Variants in PCSK2 observed in about 807,000 individuals in gnomAD.
PCSK2 encodes the protein proprotein convertase subtilisin/kexin type 2.
PCSK2 carries 14 observed loss-of-function variants against 69.7 expected under a neutral mutation model. The observed-to-expected ratio is 0.20, with a 90% confidence interval of 0.13 to 0.31. The LOEUF is 0.31. PCSK2 is among the 10% of genes least tolerant of loss of function. PCSK2 has a pLI of 1.00. For synonymous variants in PCSK2, 307 were observed against 320.7 expected (o/e 0.96, Z 0.46); for missense variants, 544 against 842.5 (o/e 0.65, Z 4.39).
intron 8 of PCSK2, among the ~76,000 whole-genome samples, chr20:17,449,367 G>A (rs1171157202): frequency 2.6e-5 from 4 of 152,074 alleles, no homozygotes; most frequent in Non-Finnish European, 5.9e-5. Context: ...TCCCTTTTGG[G>A]TTTTAGGCTT....
At chr20:17,344,246 C>T (rs1263171745) in intron 2 of PCSK2, among the ~76,000 whole-genome samples, 4 of 152,310 alleles carry the variant, frequency 2.6e-5, no homozygotes, top group East Asian at 1.9e-4. Context: ...TTTTGTCATT[C>T]GTGGGCTGCT....
In PCSK2 at chr20:17,366,396, G is replaced by T. The variant is rs561410029; in HGVS notation, c.506-2844G>T. Among the ~76,000 whole-genome samples the T allele has an allele frequency of 4.6e-5, 7 of 152,250 alleles. No homozygotes were observed. In the South Asian group the frequency reaches 1.5e-3, roughly 32 times the overall value. ...ATTATGATTGGCTGGTGATCAGTCG[G>T]TACCCCCATAGGCTGTGAGCCATAG... On this transcript the variant is annotated intron_variant, in intron 4 of 11. Transcript: ENST00000262545.
In PCSK2 at chr20:17,360,512, C is replaced by T. The variant is rs906348035; in HGVS notation, c.397-20C>T. ...AACACCAAACTAATACCATTCTCTGCTTTGAAATTCCTGTACCAGATCAAT... is the reference window on the plus strand; with the variant it reads ...AACACCAAACTAATACCATTCTCTGTTTTGAAATTCCTGTACCAGATCAAT... On this transcript the variant is annotated intron_variant, in intron 3 of 11. Transcript: ENST00000262545. The T allele has an allele frequency of 1.3e-6, 2 of 1,491,704 alleles. No individual in the cohort carries two copies. The highest frequency in any genetic ancestry group is 1.9e-6 in the Non-Finnish European group (2 of 1,073,152). 92.4% of individuals were successfully genotyped at this position (1,491,704 alleles called of 1,614,324 possible).
At chr20:17,253,508 G>T (rs1035532568) in intron 1 of PCSK2, among the ~76,000 whole-genome samples, 32 of 152,042 alleles carry the variant, frequency 2.1e-4, no homozygotes, top group African/African-American at 7.7e-4. Context: ...AAGTTTTCAA[G>T]GTTCTTCCGT....
chr20:17,440,042 G>A lies in PCSK2; in HGVS notation c.885+3159G>A, dbSNP rs549773058. Among the ~76,000 whole-genome samples, 4 of 152,334 alleles carry A rather than the reference G, an allele frequency of 2.6e-5. No homozygotes were observed. The East Asian group carries it at 7.7e-4, about 29-fold the overall frequency. ...GCCGACACTGCACAGCAGCAGGTCC[G>A]TCCTGTTGCAGGGATATTTCAGCAG... On this transcript the variant is annotated intron_variant, in intron 8 of 11. Transcript: ENST00000262545.
intron 2 of PCSK2, among the ~76,000 whole-genome samples, chr20:17,284,886 A>G (rs997745248): frequency 1.3e-5 from 2 of 152,180 alleles, no homozygotes; most frequent in African/African-American, 4.8e-5. Flanking sequence ...TAAAGAAACT[A>G]TATTCTCACT....
intron 1 of PCSK2, among the ~76,000 whole-genome samples, chr20:17,240,136 G>A (rs1272663724): frequency 2.0e-5 from 3 of 151,990 alleles, no homozygotes; most frequent in Non-Finnish European, 4.4e-5. Flanking sequence ...ACAGGCATAA[G>A]CCACTGCACC....
chr20:17,383,513 G>T (rs939595411), intron 5 of PCSK2, among the ~76,000 whole-genome samples: 1 of 152,138 alleles, frequency 6.6e-6, no homozygotes, highest in Non-Finnish European at 1.5e-5. Flanking sequence ...TTCCCTTGAT[G>T]CTTTTAATTC....
intron 2 of PCSK2, chr20:17,263,231 A>G: frequency 1.8e-6 from 1 of 560,560 alleles, no homozygotes; most frequent in Non-Finnish European, 2.3e-6. Flanking sequence ...ACTAATTTTT[A>G]TGCTAAAAGG....
chr20:17,326,656 A>G, intron 2 of PCSK2, among the ~76,000 whole-genome samples: 1 of 152,256 alleles, frequency 6.6e-6, no homozygotes, highest in East Asian at 1.9e-4. Context: ...CAAACACAGC[A>G]GTCAGAGATG....
At chr20:17,321,573 C>A (rs1210166285) in intron 2 of PCSK2, among the ~76,000 whole-genome samples, 1 of 152,170 alleles carries the variant, frequency 6.6e-6, no homozygotes, top group African/African-American at 2.4e-5. Flanking sequence ...ATGATAAGTA[C>A]TTCTTTCAAT....
At position 17,362,332 on chromosome 20, in the gene PCSK2, A is replaced by G. The variant is rs530099160; in HGVS notation, c.505+1692A>G. Among the ~76,000 whole-genome samples the G allele has an allele frequency of 3.9e-5, 6 of 152,340 alleles. No homozygotes were observed. In the East Asian group the frequency reaches 9.6e-4, roughly 24 times the overall value. On this transcript the variant is annotated intron_variant, in intron 4 of 11. Transcript: ENST00000262545. ...TCCTGGTTTCTTCTTCATTTTAGTCAATTACTGCTGCAGAACAAAGAATCC... is the reference window on the plus strand; with the variant it reads ...TCCTGGTTTCTTCTTCATTTTAGTCGATTACTGCTGCAGAACAAAGAATCC...
At chr20:17,378,602 T>C (rs371874410) in intron 5 of PCSK2, among the ~76,000 whole-genome samples, 1 of 117,980 alleles carries the variant, frequency 8.5e-6, no homozygotes, top group Non-Finnish European at 2.0e-5. Flanking sequence ...GATGGATGGA[T>C]GGATGGATGG....
At chr20:17,451,164 GC>G (rs2032814749) in intron 8 of PCSK2, among the ~76,000 whole-genome samples, 1 of 152,182 alleles carries the variant, frequency 6.6e-6, no homozygotes, top group African/African-American at 2.4e-5. Flanking sequence ...ATTCTTGTGG[GC>G]AAGTCTCATG....
intron 11 of PCSK2, among the ~76,000 whole-genome samples, chr20:17,474,010 G>A (rs2033248790): frequency 6.6e-6 from 1 of 152,164 alleles, no homozygotes; most frequent in African/African-American, 2.4e-5. Context: ...TTGTTCTAGT[G>A]CTGGGATGAT....
chr20:17,324,290 C>G (rs922210116), intron 2 of PCSK2, among the ~76,000 whole-genome samples: 6 of 152,160 alleles, frequency 3.9e-5, no homozygotes, highest in Non-Finnish European at 8.8e-5. Context: ...ACAGTCACCT[C>G]CCATCTCCAA....
rs1435496721 is a variant in PCSK2 at position 17,482,069 on chromosome 20, A to G, written c.1916A>G (p.Ter639TrpextTer27). ...CTGAAAAGCATCCTTAACAAGAACTAGCGCTGCACATCCGCCTTTCCCACC... is the reference window on the plus strand; with the variant it reads ...CTGAAAAGCATCCTTAACAAGAACTGGCGCTGCACATCCGCCTTTCCCACC... ...RSLKSILNKN[*>W] The change falls in exon 12 of 12, where the codon TAG (stop) becomes TGG (tryptophan). Residue 639 changes from the stop codon to tryptophan (W), a stop_lost. Coordinates refer to ENST00000262545, the MANE Select transcript of PCSK2 (RefSeq NM_002594.5). 1 of 1,563,084 alleles carries G rather than the reference A, an allele frequency of 6.4e-7. No individual in the cohort carries two copies. Among genetic ancestry groups the G allele is most frequent in the Non-Finnish European group, 8.7e-7 (1 of 1,155,306 alleles).
chr20:17,435,416 G>A (rs2032465429), intron 7 of PCSK2, among the ~76,000 whole-genome samples: 1 of 152,234 alleles, frequency 6.6e-6, no homozygotes, highest in African/African-American at 2.4e-5. Context: ...AGGGCTATGA[G>A]CACTGAAGAG....
intron 2 of PCSK2, among the ~76,000 whole-genome samples, chr20:17,301,024 T>C (rs1351949736): frequency 6.6e-6 from 1 of 152,222 alleles, no homozygotes; most frequent in Non-Finnish European, 1.5e-5. Flanking sequence ...AATGAAGATG[T>C]AGTCACTATT....
Sources: gnomAD v4.1 joint callset for allele counts (sites outside exome capture counted in the v4.1 genomes callset) on GRCh38, gnomAD v4.1.1 for gene constraint, MANE v1.5 for transcripts, NCBI Gene and HGNC (gene_info 2026-07-23, HGNC 2026-07-21) for gene names.